The following SEPTIN5 variants were observed in gnomAD, a reference collection of about 807,000 sequenced individuals.
SEPTIN5 encodes septin 5, also known as septin-5.
Under a neutral mutation model 51.2 loss-of-function variants are expected in SEPTIN5, and 16 were observed. The ratio of observed to expected loss-of-function variants is 0.31; its 90% CI spans 0.21 to 0.47. SEPTIN5 has a LOEUF of 0.47. SEPTIN5 is among the 20% of genes least tolerant of loss of function. The pLI, the probability that SEPTIN5 is intolerant of heterozygous loss-of-function variation, is 0.99. For missense variants in SEPTIN5, 376 were observed against 500.3 expected, an observed-to-expected ratio of 0.75 and a Z score of 2.37; for synonymous variants, 208 against 191.2, an observed-to-expected ratio of 1.09 and a Z score of -0.72.
At position 19,723,019 on chromosome 22, in the gene SEPTIN5, G is replaced by A. The variant is rs760624067; in HGVS notation, c.*535G>A. On this transcript the variant is annotated 3_prime_UTR_variant, in exon 12 of 12. Transcript: ENST00000455784. ...ATGGGAGCCCTCCAGACATAAGGAG[G>A]CCAGAGGCTGCAAGGAGCGGGGTCG... 8 of 459,714 alleles carry A rather than the reference G, an allele frequency of 1.7e-5. No homozygotes were observed. The highest frequency in any genetic ancestry group is 2.9e-5 in the Non-Finnish European group (7 of 241,652). 28.5% of individuals were successfully genotyped at this position (459,714 alleles called of 1,614,324 possible).
intron 2 of SEPTIN5, chr22:19,717,184 T>TGGGGG (rs1935923000): frequency 6.6e-6 from 1 of 151,004 alleles, no homozygotes; most frequent in African/African-American, 1.9e-4. Context: ...TGGTGGCGGG[T>TGGGGG]GGGGTGGGGT....
chr22:19,721,191 G>A (rs1936023921), intron 8 of SEPTIN5, among the ~76,000 whole-genome samples: 1 of 152,238 alleles, frequency 6.6e-6, no homozygotes, highest in Admixed American at 6.5e-5. Flanking sequence ...GGTCACCAGA[G>A]GAAGGGGCTG....
At chr22:19,719,424 C>T (rs1325358293) in intron 2 of SEPTIN5, 178 bp from the exon 3 acceptor site, 3 of 586,878 alleles carry the variant, frequency 5.1e-6, no homozygotes, top group Non-Finnish European at 9.0e-6. Flanking sequence ...CACCACCTCG[C>T]CTGCCTTCTT....
At chr22:19,721,539 G>C in intron 8 of SEPTIN5, 101 bp from the exon 9 acceptor site, 1 of 1,241,666 alleles carries the variant, frequency 8.1e-7, no homozygotes. Context: ...ATAGTTGATG[G>C]TGATGCTGGA....
Position 19,722,373 on chromosome 22 carries a change from G to T in SEPTIN5, c.1053+34G>T, listed in dbSNP as rs563977648. 10 of 1,595,610 alleles carry T rather than the reference G, an allele frequency of 6.3e-6. No homozygotes were observed. The Admixed American group carries it at 1.0e-4, about 17-fold the overall frequency. ...GGCGGCGGGGGCGGCGGAGGCGGGCGTCAGGGATGCTCCTCCGCGGTGCTG... is the reference window on the plus strand; with the variant it reads ...GGCGGCGGGGGCGGCGGAGGCGGGCTTCAGGGATGCTCCTCCGCGGTGCTG... On this transcript the variant is annotated intron_variant, in intron 11 of 11. Transcript: ENST00000455784.
intron 7 of SEPTIN5, 23 bp downstream of exon 7, chr22:19,720,689 G>A (rs749280479): frequency 1.2e-6 from 2 of 1,611,682 alleles, no homozygotes; most frequent in African/African-American, 1.3e-5. Flanking sequence ...TCGCACAGGG[G>A]CCTGGCCAGG....
Position 19,721,743 on chromosome 22 carries a change from A to G in SEPTIN5, c.814+7A>G. 1 of 1,605,358 alleles carries G rather than the reference A, an allele frequency of 6.2e-7. No homozygotes were observed. The highest frequency in any genetic ancestry group is 8.5e-7 in the Non-Finnish European group (1 of 1,174,620). ...CCCTGGGGGATCGTGGAGGGTGAGTAGAGTCTTGGGGTACCAGGTCTGGTG... is the reference window on the plus strand; with the variant it reads ...CCCTGGGGGATCGTGGAGGGTGAGTGGAGTCTTGGGGTACCAGGTCTGGTG... On this transcript the variant is annotated splice_region_variant and intron_variant, in intron 9 of 11. Coordinates refer to ENST00000455784, the MANE Select transcript of SEPTIN5 (RefSeq NM_002688.6).
chr22:19,715,804 C>T (rs2145784881), intron 2 of SEPTIN5, among the ~76,000 whole-genome samples: 1 of 152,300 alleles, frequency 6.6e-6, no homozygotes, highest in African/African-American at 2.4e-5. Flanking sequence ...CACACCCCAC[C>T]CAGAGGTGGA....
intron 11 of SEPTIN5, 39 bp from the exon 12 acceptor site, chr22:19,722,389 C>G: frequency 6.3e-7 from 1 of 1,593,098 alleles, no homozygotes. Context: ...GATGCTCCTC[C>G]GCGGTGCTGC....
chr22:19,718,418 C>T (rs1568995468), intron 2 of SEPTIN5: 2 of 1,058,700 alleles, frequency 1.9e-6, no homozygotes, highest in Non-Finnish European at 2.3e-6. Flanking sequence ...TCTGCCGCCC[C>T]CCGCCGCGCG....
In SEPTIN5 at chr22:19,714,989, AC is replaced by A. The variant is rs1935894096; in HGVS notation, c.54+201del. Reference sequence around the variant, plus strand: ...GAGGAGTGGGGGCCCTGGTCCCCGGACCCGCACAGCAGGGACCCTGCGCCCC... The same window carrying A: ...GAGGAGTGGGGGCCCTGGTCCCCGGACCGCACAGCAGGGACCCTGCGCCCC... On this transcript the variant is annotated intron_variant, in intron 2 of 11. Transcript: ENST00000455784. The surrounding 1 kb of genome is among the most constrained non-coding windows in gnomAD (Gnocchi z 5.2). Among the ~76,000 whole-genome samples the A allele has an allele frequency of 6.6e-6, 1 of 152,178 alleles. No homozygotes were observed. Among genetic ancestry groups the A allele is most frequent in the South Asian group, 2.1e-4 (1 of 4,824 alleles).
At chr22:19,719,193 C>T (rs893061381) in intron 2 of SEPTIN5, 4 of 224,628 alleles carry the variant, frequency 1.8e-5, no homozygotes, top group Non-Finnish European at 3.5e-5. Flanking sequence ...GCCTCCCGCC[C>T]CCTGGCACTC....
chr22:19,715,622 C>T (rs1424450767), intron 2 of SEPTIN5, among the ~76,000 whole-genome samples: 1 of 152,224 alleles, frequency 6.6e-6, no homozygotes, highest in Non-Finnish European at 1.5e-5. Context: ...AATTCTGGCA[C>T]CAGGGTGGCA....
Position 19,719,907 on chromosome 22 carries a change from G to A in SEPTIN5, c.238+15G>A, listed in dbSNP as rs944451034. 1.2e-6 allele frequency: 2 copies of A among 1,612,116 alleles called. No homozygotes were observed. The highest frequency in any genetic ancestry group is 2.2e-5 in the South Asian group (2 of 91,052). On this transcript the variant is annotated intron_variant, in intron 4 of 11. Coordinates refer to ENST00000455784, the MANE Select transcript of SEPTIN5 (RefSeq NM_002688.6). ...CAGTGCTGAGGGTGAGTGGCCCCCA[G>A]GAGGCCCTGGCACTGATCCCCAGTC...
At chr22:19,721,764 T>C in intron 9 of SEPTIN5, 28 bp downstream of exon 9, 1 of 1,601,424 alleles carries the variant, frequency 6.2e-7, no homozygotes, top group Non-Finnish European at 8.5e-7. Flanking sequence ...GTACCAGGTC[T>C]GGTGGGGGAA....
At chr22:19,719,418 A>G (rs2145788914) in intron 2 of SEPTIN5, 184 bp from the exon 3 acceptor site, 1 of 579,402 alleles carries the variant, frequency 1.7e-6, no homozygotes, top group East Asian at 2.9e-5. Context: ...TCCTGCCACC[A>G]CCTCGCCTGC....
At position 19,723,218 on chromosome 22, in the gene SEPTIN5, T is replaced by G. The variant is rs996661682; in HGVS notation, c.*734T>G. On this transcript the variant is annotated 3_prime_UTR_variant, in exon 12 of 12. Coordinates refer to ENST00000455784, the MANE Select transcript of SEPTIN5 (RefSeq NM_002688.6). The stretch of plus-strand genomic sequence containing the variant: ...ATCCTGAGCCTAGGCCTCCCGATGT[T>G]CCCACCCGCATGATCCCTTCCCGCC... 1 of 625,720 alleles carries G rather than the reference T, an allele frequency of 1.6e-6. No homozygotes were observed. 38.8% of individuals were successfully genotyped at this position (625,720 alleles called of 1,614,324 possible).
chr22:19,720,615 C>T lies in SEPTIN5; in HGVS notation c.564C>T (p.Ile188=), dbSNP rs1229883267. Residue 188 remains isoleucine (I), a synonymous_variant, in exon 7 of 12, where the codon ATC becomes ATT. Transcript: ENST00000455784. The stretch of plus-strand genomic sequence containing the variant: ...AGAAGGTCAACATCGTGCCTCTCAT[C>T]GCCAAAGCTGACTGTCTTGTCCCCA... ...LHEKVNIVPL[I]AKADCLVPSE... The T allele has an allele frequency of 2.4e-5, 39 of 1,612,886 alleles. No individual in the cohort carries two copies. Among genetic ancestry groups the T allele is most frequent in the Non-Finnish European group, 3.1e-5 (36 of 1,180,032 alleles).
At chr22:19,718,185 A>T (rs1935945321) in intron 2 of SEPTIN5, 1 of 156,128 alleles carries the variant, frequency 6.4e-6, no homozygotes, top group Admixed American at 6.6e-5. Context: ...GTGGCTACCG[A>T]CTCCCGGCCC....
Sources: allele counts gnomAD v4.1 joint callset (sites outside exome capture counted in the v4.1 genomes callset), GRCh38; gene constraint gnomAD v4.1.1; non-coding constraint Gnocchi (gnomAD v3.1); transcripts MANE v1.5; gene names NCBI Gene and HGNC (gene_info 2026-07-23, HGNC 2026-07-21).